TRIP12: variants seen among roughly 807,000 people sequenced by gnomAD.
The protein encoded by TRIP12 is thyroid hormone receptor interactor 12.
TRIP12 carries 25 observed loss-of-function variants against 244.2 expected under a neutral mutation model. The ratio of observed to expected loss-of-function variants is 0.10; its 90% CI spans 0.07 to 0.14. The LOEUF is 0.14. TRIP12 is among the 10% of genes least tolerant of loss of function. TRIP12 has a pLI of 1.00. For missense variants in TRIP12, 1,677 were observed against 2,486.4 expected (o/e 0.67, Z 6.92); for synonymous variants, 905 against 873.1 (o/e 1.04, Z -0.64).
At chr2:229,851,783 G>A (rs544440183) in intron 4 of TRIP12, among the ~76,000 whole-genome samples, 1 of 152,008 alleles carries the variant, frequency 6.6e-6, no homozygotes, top group East Asian at 1.9e-4. Flanking sequence ...GAGCCAGCGA[G>A]ACCATGAACC....
chr2:229,770,963 G>A (rs778745983), intron 39 of TRIP12, among the ~76,000 whole-genome samples: 16 of 152,240 alleles, frequency 1.1e-4, no homozygotes, highest in Non-Finnish European at 2.1e-4. Flanking sequence ...GCCCAGTCTC[G>A]GTTATGTCTT....
At chr2:229,801,733 A>G (rs750166813) in intron 21 of TRIP12, among the ~76,000 whole-genome samples, 14 of 152,256 alleles carry the variant, frequency 9.2e-5, no homozygotes, top group Non-Finnish European at 2.1e-4. Context: ...AGAGAATTTA[A>G]GAACTCTCAT....
intron 12 of TRIP12, 27 bp downstream of exon 12, chr2:229,814,206 G>A: frequency 6.2e-7 from 1 of 1,607,358 alleles, no homozygotes; most frequent in Admixed American, 1.7e-5. Context: ...AAAGTGAAAT[G>A]TAGTCCCCTT....
intron 8 of TRIP12, among the ~76,000 whole-genome samples, chr2:229,823,132 A>G (rs2050523873): frequency 6.6e-6 from 1 of 152,216 alleles, no homozygotes; most frequent in African/African-American, 2.4e-5. Context: ...GAAAGGAAGG[A>G]GAAAATCTGA....
chr2:229,775,676 C>T (rs2036009382), intron 37 of TRIP12, among the ~76,000 whole-genome samples: 1 of 150,582 alleles, frequency 6.6e-6, no homozygotes, highest in Non-Finnish European at 1.5e-5. Flanking sequence ...ACGTAAATTC[C>T]CTTTAAACAT....
At chr2:229,862,342 T>G (rs1351151703) in intron 2 of TRIP12, among the ~76,000 whole-genome samples, 1 of 152,144 alleles carries the variant, frequency 6.6e-6, no homozygotes, top group African/African-American at 2.4e-5. Context: ...TCTTCAGAAA[T>G]GAGACTATTT....
chr2:229,770,867 T>A (rs756908141), intron 39 of TRIP12, among the ~76,000 whole-genome samples: 7 of 152,226 alleles, frequency 4.6e-5, no homozygotes, highest in Non-Finnish European at 7.3e-5. Flanking sequence ...CCATGTGAGA[T>A]GTGCCTTTCA....
chr2:229,788,847 T>C lies in TRIP12; in HGVS notation c.4789A>G (p.Ile1597Val). ...ANRQLQDPLVIMTGNIPTWLT... is the reference protein window; with the variant it reads ...ANRQLQDPLVVMTGNIPTWLT... ...CATGTTGGGATGTTTCCTGTCATGA[T>C]TACTAAAGGATCTTGAAGTTGCCTA... Residue 1597 changes from isoleucine (I) to valine (V), a missense_variant, in exon 32 of 42, where the codon ATC becomes GTC. Around this residue, in one of 11 missense-constraint regions of TRIP12, gnomAD observed 265 missense variants for 370.8 expected, o/e 0.71. Transcript: ENST00000675903. 1 of 1,614,120 alleles carries C rather than the reference T, an allele frequency of 6.2e-7. No individual in the cohort carries two copies. Among genetic ancestry groups the C allele is most frequent in the Non-Finnish European group, 8.5e-7 (1 of 1,179,998 alleles).
intron 9 of TRIP12, among the ~76,000 whole-genome samples, chr2:229,816,104 T>C (rs2048430324): frequency 6.6e-6 from 1 of 152,124 alleles, no homozygotes. Flanking sequence ...AATTTTTAAA[T>C]GCACTGAATT....
chr2:229,812,158 C>T (rs2047416554), intron 13 of TRIP12, among the ~76,000 whole-genome samples: 1 of 152,164 alleles, frequency 6.6e-6, no homozygotes, highest in Non-Finnish European at 1.5e-5. Flanking sequence ...GGCACGATCT[C>T]AGCTCACTGC....
chr2:229,852,769 G>A (rs1316806968), intron 4 of TRIP12, among the ~76,000 whole-genome samples: 1 of 152,108 alleles, frequency 6.6e-6, no homozygotes, highest in African/African-American at 2.4e-5. Context: ...CTAGTGCCTC[G>A]CCGGGAACTT....
At chr2:229,771,227 C>T (rs1387283708) in intron 39 of TRIP12, among the ~76,000 whole-genome samples, 1 of 152,218 alleles carries the variant, frequency 6.6e-6, no homozygotes, top group Non-Finnish European at 1.5e-5. Flanking sequence ...TAGAACATGC[C>T]ACACACAGCA....
intron 37 of TRIP12, among the ~76,000 whole-genome samples, chr2:229,776,417 G>T (rs1431003509): frequency 6.6e-6 from 1 of 152,116 alleles, no homozygotes; most frequent in Non-Finnish European, 1.5e-5. Context: ...GGTGGACTTA[G>T]CCTCTTTGAA....
chr2:229,784,805 A>G (rs1179364176), intron 34 of TRIP12, among the ~76,000 whole-genome samples: 1 of 152,248 alleles, frequency 6.6e-6, no homozygotes, highest in Non-Finnish European at 1.5e-5. Flanking sequence ...TTGAACTCGC[A>G]TATATACGTT....
chr2:229,906,251 G>A (rs770099784), intron 1 of TRIP12, among the ~76,000 whole-genome samples: 17 of 149,986 alleles, frequency 1.1e-4, no homozygotes, highest in Non-Finnish European at 2.2e-4. Flanking sequence ...GTTGCAGTGA[G>A]CTTGAGATGG....
In TRIP12 at chr2:229,805,799, T is replaced by C. The variant is rs1324055260; in HGVS notation, c.2581A>G (p.Ile861Val). ...CGTGCTGTTCCCGTGTCCTCATTGA[T>C]TTGCTGCATAGAATTAAAATCAATA... is the stretch of plus-strand genomic sequence containing the variant. The part of the protein sequence containing the change: ...YTIDFNSMQQ[I>V]NEDTGTARAI... The change falls in exon 18 of 42, where the codon ATC becomes GTC. Residue 861 changes from isoleucine to valine, a missense_variant. By Grantham distance (29) the Ile-to-Val change is conservative. Around this residue, in one of 11 missense-constraint regions of TRIP12, gnomAD observed 572 missense variants for 867.8 expected, o/e 0.66. Transcript: ENST00000675903. 15 of 1,611,472 alleles carry C rather than the reference T, an allele frequency of 9.3e-6. No individual in the cohort carries two copies. In the African/African-American group the frequency reaches 2.0e-4, roughly 22 times the overall value.
At chr2:229,826,018 G>A (rs1171907240) in intron 8 of TRIP12, among the ~76,000 whole-genome samples, 2 of 152,030 alleles carry the variant, frequency 1.3e-5, no homozygotes, top group Non-Finnish European at 2.9e-5. Context: ...TATAACAATG[G>A]CACCTTTGGA....
intron 1 of TRIP12, among the ~76,000 whole-genome samples, chr2:229,905,374 C>T (rs1006225936): frequency 6.6e-6 from 1 of 151,770 alleles, no homozygotes; most frequent in African/African-American, 2.4e-5. Flanking sequence ...AAGACAAAGT[C>T]ATTTAGGAAG....
At position 229,815,124 on chromosome 2, in the gene TRIP12, TCTA is replaced by T; in HGVS notation, c.1703_1705del (p.Val568del). The T allele has an allele frequency of 6.2e-7, 1 of 1,612,680 alleles. No individual in the cohort carries two copies. Among genetic ancestry groups the T allele is most frequent in the Non-Finnish European group, 8.5e-7 (1 of 1,179,422 alleles). On this transcript the variant is annotated inframe_deletion, in exon 11 of 42. Transcript: ENST00000675903. ...CTTTTCTAAAAAGACAGGAATAGCA[TCTA>T]CTACAACAGCAGAAGATCGAGGAAG...
Sources: allele counts gnomAD v4.1 joint callset (sites outside exome capture counted in the v4.1 genomes callset), GRCh38; gene constraint gnomAD v4.1.1; regional missense constraint gnomAD v4.1.1; transcripts MANE v1.5; gene names NCBI Gene and HGNC (gene_info 2026-07-23, HGNC 2026-07-21).